The following PRSS54 variants were observed in gnomAD, a reference collection of about 807,000 sequenced individuals.
PRSS54 encodes the protein inactive serine protease 54.
A neutral mutation model predicts 19.9 loss-of-function variants in PRSS54; 16 were observed. That is an observed-to-expected ratio of 0.80 (90% CI 0.54 to 1.22). The LOEUF (loss-of-function observed/expected upper bound fraction) is 1.22, where lower values mean the gene tolerates loss of function less well. PRSS54 is among the 50% of genes most tolerant of loss of function. The pLI, the probability that PRSS54 is intolerant of heterozygous loss-of-function variation, is 0.00. For synonymous variants in PRSS54, 177 were observed against 195.8 expected (o/e 0.90, Z 0.80); for missense variants, 444 against 494.8 (o/e 0.90, Z 0.97).
intron 6 of PRSS54, 154 bp from the exon 7 acceptor site, chr16:58,280,911 G>A (rs1339725278): frequency 6.1e-6 from 4 of 658,512 alleles, no homozygotes; most frequent in Non-Finnish European, 9.9e-6. Flanking sequence ...AATCTAGGCA[G>A]CCACCACCAC....
chr16:58,288,533 C>T (rs1964968157), intron 4 of PRSS54, among the ~76,000 whole-genome samples: 1 of 152,106 alleles, frequency 6.6e-6, no homozygotes, highest in African/African-American at 2.4e-5. Context: ...AGAAAATAGC[C>T]ATAATGAAAA....
intron 6 of PRSS54, chr16:58,283,957 G>A (rs1222039004): frequency 1.3e-5 from 2 of 152,228 alleles, no homozygotes; most frequent in African/African-American, 4.8e-5. Context: ...TGTGTGTTAA[G>A]CCTCATAGAA....
chr16:58,284,765 C>T (rs1246065219), intron 5 of PRSS54, 44 bp from the exon 6 acceptor site: 3 of 1,610,142 alleles, frequency 1.9e-6, no homozygotes, highest in Non-Finnish European at 2.5e-6. Context: ...AACGAGAAGG[C>T]AGTCCCCTAT....
Position 58,280,150 on chromosome 16 carries a change from T to A in PRSS54, c.*74A>T. 1 of 1,470,806 alleles carries A rather than the reference T, an allele frequency of 6.8e-7. No individual in the cohort carries two copies. The highest frequency in any genetic ancestry group is 9.3e-7 in the Non-Finnish European group (1 of 1,080,686). The allele number at this position is 1,470,806 out of a possible 1,614,324, so 91.1% of individuals were successfully genotyped here. A position where few individuals can be genotyped will look rare whatever the true frequency, so the allele number is the denominator to read the frequency against. ...AGTGTGCAACTATCAAAAACAGACA[T>A]CAAAACAGCATGGTGAATGCCTGGC... On this transcript the variant is annotated 3_prime_UTR_variant, in exon 7 of 7. Transcript: ENST00000567164.
chr16:58,284,757 C>T (rs747967050), intron 5 of PRSS54, 36 bp from the exon 6 acceptor site: 44 of 1,611,648 alleles, frequency 2.7e-5, no homozygotes, highest in Admixed American at 2.7e-4. Context: ...GGATTATTAA[C>T]GAGAAGGCAG....
intron 6 of PRSS54, chr16:58,280,997 G>C (rs992453756): frequency 8.2e-6 from 4 of 488,058 alleles, no homozygotes; most frequent in Non-Finnish European, 1.1e-5. Context: ...ATAGCTTCCT[G>C]GTTCATATTT....
intron 6 of PRSS54, among the ~76,000 whole-genome samples, chr16:58,284,127 C>T (rs879944922): frequency 1.7e-3 from 7 of 4,174 alleles, no homozygotes; most frequent in East Asian, 0.029. Context: ...GTGACTTCTA[C>T]ACATTTTTTT....
chr16:58,294,318 G>A (rs1965100777), intron 1 of PRSS54, 109 bp from the exon 2 acceptor site: 1 of 157,796 alleles, frequency 6.3e-6, no homozygotes, highest in Non-Finnish European at 1.4e-5. Flanking sequence ...TAGGGCTTCT[G>A]TTAACTGTTA....
intron 3 of PRSS54, among the ~76,000 whole-genome samples, chr16:58,292,892 T>A (rs2142655441): frequency 6.6e-6 from 1 of 152,342 alleles, no homozygotes; most frequent in South Asian, 2.1e-4. Flanking sequence ...GATGAAATGC[T>A]TGTCTTGGCC....
At position 58,290,130 on chromosome 16, in the gene PRSS54, T is replaced by C. The variant is rs186065527; in HGVS notation, c.263+829A>G. ...ATCATGTATATTACATATAATAAAG[T>C]ATATAATTACATGTATAGTATACAC... On this transcript the variant is annotated intron_variant, in intron 4 of 6. Transcript: ENST00000567164. Among the ~76,000 whole-genome samples the C allele has an allele frequency of 3.2e-3, 471 of 147,948 alleles. 1 individual carries two copies. The highest frequency in any genetic ancestry group is 1.0e-2 in the African/African-American group (402 of 40,384).
chr16:58,292,226 A>G, intron 3 of PRSS54, among the ~76,000 whole-genome samples: 1 of 152,086 alleles, frequency 6.6e-6, no homozygotes, highest in Non-Finnish European at 1.5e-5. Context: ...ACCACACCCT[A>G]CCGGTGACTC....
intron 4 of PRSS54, among the ~76,000 whole-genome samples, chr16:58,287,951 A>G (rs1252747156): frequency 2.0e-5 from 3 of 152,196 alleles, no homozygotes; most frequent in African/African-American, 4.8e-5. Context: ...CCAATTTTAT[A>G]TATTGAATTA....
chr16:58,286,496 GT>G (rs11332661), intron 4 of PRSS54, among the ~76,000 whole-genome samples: 118,298 of 147,714 alleles, frequency 0.8, 47,323 homozygotes, highest in South Asian at 0.89. Flanking sequence ...TCTATGAATA[GT>G]TTTTTTTTTT....
chr16:58,284,414 C>G lies in PRSS54; in HGVS notation c.654+176G>C. The G allele has an allele frequency of 6.5e-6, 4 of 612,954 alleles. No homozygotes were observed. The South Asian group carries it at 8.6e-5, about 13-fold the overall frequency. The allele number at this position is 612,954 out of a possible 1,614,324, so 38.0% of individuals were successfully genotyped here. A position where few individuals can be genotyped will look rare whatever the true frequency, so the allele number is the denominator to read the frequency against. ...AATCGTGACTGGTTAGTTCATTCAG[C>G]AGATTTTTATTGAGCGCATACTGTC... On this transcript the variant is annotated intron_variant, in intron 6 of 6. Coordinates refer to ENST00000567164, the MANE Select transcript of PRSS54 (RefSeq NM_001305173.2).
In PRSS54 at chr16:58,287,352, G is replaced by T. The variant is rs1194540792; in HGVS notation, c.264-1157C>A. On this transcript the variant is annotated intron_variant, in intron 4 of 6. Transcript: ENST00000567164. ...GGACTCTTTACAAAGGTCTTGGCAGGATGCAGGGAAACCACAAGGACAGCG... is the reference window on the plus strand; with the variant it reads ...GGACTCTTTACAAAGGTCTTGGCAGTATGCAGGGAAACCACAAGGACAGCG... Among the ~76,000 whole-genome samples the T allele has an allele frequency of 2.6e-5, 4 of 152,200 alleles. No homozygotes were observed. In the East Asian group the frequency reaches 7.7e-4, roughly 29 times the overall value.
rs774864363 is a variant in PRSS54, at chr16:58,286,119, T to C, written c.340A>G (p.Thr114Ala). The C allele has an allele frequency of 1.9e-6, 3 of 1,614,138 alleles. No homozygotes were observed. The South Asian group carries it at 3.3e-5, about 18-fold the overall frequency. ...KIAHTEYPVN[T>A]IIIHEDFDNN... ...TCAAAGTCCTCATGGATGATGATGG[T>C]ATTGACTGGATACTCTGTGTGAGCA... The change falls in exon 5 of 7, where the codon ACC becomes GCC. Residue 114 changes from threonine (T) to alanine (A), a missense_variant. By Grantham distance (58) the Thr-to-Ala change is moderately conservative. Transcript: ENST00000567164.
chr16:58,286,906 AC>A (rs1476848547), intron 4 of PRSS54, among the ~76,000 whole-genome samples: 4 of 152,202 alleles, frequency 2.6e-5, no homozygotes, highest in Non-Finnish European at 2.9e-5. Context: ...AAGGAAAGAA[AC>A]AAGACCATGA....
rs1965096846 is a variant in PRSS54, at chr16:58,294,076, G to C, written c.-98C>G. The C allele has an allele frequency of 2.0e-6, 1 of 489,866 alleles. No homozygotes were observed. The highest frequency in any genetic ancestry group is 3.7e-6 in the Non-Finnish European group (1 of 270,034). 30.3% of individuals were successfully genotyped at this position (489,866 alleles called of 1,614,324 possible). A position where few individuals can be genotyped will look rare whatever the true frequency, so the allele number is the denominator to read the frequency against. ...TTGTGAGATGGCCAGAGAAGAGAGG[G>C]CAGCTTACTCTTGTCAGTTTTCTTC... On this transcript the variant is annotated 5_prime_UTR_variant, in exon 2 of 7. Coordinates refer to ENST00000567164, the MANE Select transcript of PRSS54 (RefSeq NM_001305173.2).
At chr16:58,294,526 TTATTTTGTAA>T (rs1186440633) in intron 1 of PRSS54, among the ~76,000 whole-genome samples, 3 of 152,048 alleles carry the variant, frequency 2.0e-5, no homozygotes, top group African/African-American at 4.8e-5. Flanking sequence ...AATTTTTGTA[TTATTTTGTAA>T]TATTTTGTAA....
Sources: allele counts gnomAD v4.1 joint callset (sites outside exome capture counted in the v4.1 genomes callset), GRCh38; gene constraint gnomAD v4.1.1; transcripts MANE v1.5; gene names NCBI Gene and HGNC (gene_info 2026-07-23, HGNC 2026-07-21).